The following DOCK4 variants were observed in gnomAD, a reference collection of about 807,000 sequenced individuals.
DOCK4 encodes dedicator of cytokinesis protein 4.
DOCK4 carries 97 observed loss-of-function variants against 268.1 expected under a neutral mutation model. The ratio of observed to expected loss-of-function variants is 0.36; its 90% confidence interval spans 0.31 to 0.43. DOCK4 has a LOEUF of 0.43. Among genes scored for constraint, DOCK4 ranks in the 20% least tolerant of loss-of-function variants. The pLI is 1.00. For missense variants in DOCK4, 2,145 were observed against 2,455.7 expected, an observed-to-expected ratio of 0.87 and a Z score of 2.67; for synonymous variants, 954 against 887.2, an observed-to-expected ratio of 1.08 and a Z score of -1.34.
chr7:111,835,186 T>C (rs1803142613), intron 25 of DOCK4, among the ~76,000 whole-genome samples: 1 of 152,164 alleles, frequency 6.6e-6, no homozygotes, highest in Non-Finnish European at 1.5e-5. Context: ...ATCCCCAGTC[T>C]TTCTGCCTCC....
At chr7:112,108,671 T>C (rs1401267970) in intron 1 of DOCK4, among the ~76,000 whole-genome samples, 1 of 152,220 alleles carries the variant, frequency 6.6e-6, no homozygotes, top group Non-Finnish European at 1.5e-5. Flanking sequence ...ACAGCAAGTT[T>C]CCACATATAC....
chr7:112,155,158 A>G (rs1184106981), intron 1 of DOCK4, among the ~76,000 whole-genome samples: 1 of 152,176 alleles, frequency 6.6e-6, no homozygotes, highest in East Asian at 1.9e-4. Context: ...TTTTTCTTTT[A>G]TGTGACACTG....
chr7:112,083,751 GAT>G (rs941573517), intron 1 of DOCK4, among the ~76,000 whole-genome samples: 1 of 152,138 alleles, frequency 6.6e-6, no homozygotes, highest in African/African-American at 2.4e-5. Flanking sequence ...GGATATTAAA[GAT>G]ATGAATAATA....
chr7:112,071,707 A>G (rs1316143863), intron 1 of DOCK4, among the ~76,000 whole-genome samples: 1 of 152,228 alleles, frequency 6.6e-6, no homozygotes, highest in Admixed American at 6.5e-5. Context: ...ATGTATTTTT[A>G]TTCACAATTA....
chr7:112,112,909 C>T (rs1811794323), intron 1 of DOCK4, among the ~76,000 whole-genome samples: 2 of 152,142 alleles, frequency 1.3e-5, no homozygotes, highest in South Asian at 4.1e-4. Flanking sequence ...ATTCTTGTAT[C>T]CCTGACCTCA....
At chr7:111,864,923 G>T (rs980081307) in intron 22 of DOCK4, among the ~76,000 whole-genome samples, 6 of 152,114 alleles carry the variant, frequency 3.9e-5, no homozygotes, top group Admixed American at 1.3e-4. Flanking sequence ...CTTCAAAAAG[G>T]CATCTGAATG....
Position 112,206,366 on chromosome 7 carries a change from C to A in DOCK4, c.-228G>T. On this transcript the variant is annotated 5_prime_UTR_variant, in exon 1 of 53. Coordinates refer to ENST00000428084, the MANE Select transcript of DOCK4 (RefSeq NM_001363540.2). ...TGCTCACAGTCCTCCGACGCGCTCC[C>A]GGGTACCCGGCGGCGCAGTCATTGT... 3.4e-6 allele frequency: 2 copies of A among 586,130 alleles called. No individual in the cohort carries two copies. The highest frequency in any genetic ancestry group is 4.1e-5 in the South Asian group (2 of 48,458). The allele number at this position is 586,130 out of a possible 1,614,324, so 36.3% of individuals were successfully genotyped here.
intron 2 of DOCK4, among the ~76,000 whole-genome samples, chr7:112,001,928 TC>T (rs1471553160): frequency 6.6e-6 from 1 of 152,210 alleles, no homozygotes; most frequent in African/African-American, 2.4e-5. Context: ...TCCTTACATG[TC>T]TTTTTATAGT....
chr7:111,747,840 A>C (rs1055355728), intron 42 of DOCK4, among the ~76,000 whole-genome samples: 2 of 152,120 alleles, frequency 1.3e-5, no homozygotes, highest in Non-Finnish European at 2.9e-5. Context: ...ACAAAGCACC[A>C]TGGGAGATAT....
At chr7:112,127,767 G>T (rs930834539) in intron 1 of DOCK4, among the ~76,000 whole-genome samples, 14 of 152,134 alleles carry the variant, frequency 9.2e-5, no homozygotes, top group Non-Finnish European at 2.1e-4. Context: ...GCGGCGGCTA[G>T]CACCTGTAAT....
chr7:112,151,944 G>A (rs551894402), intron 1 of DOCK4, among the ~76,000 whole-genome samples: 4 of 145,306 alleles, frequency 2.8e-5, no homozygotes, highest in African/African-American at 7.7e-5. Flanking sequence ...TTTTTAACTA[G>A]AGCACCAAAC....
intron 23 of DOCK4, among the ~76,000 whole-genome samples, chr7:111,853,105 C>T (rs903684604): frequency 1.3e-5 from 2 of 152,136 alleles, no homozygotes; most frequent in Non-Finnish European, 2.9e-5. Context: ...TCAGTAATCC[C>T]CACTGGACAC....
rs780104898 is a variant in DOCK4 at position 111,790,528 on chromosome 7, G to T, written c.3244C>A (p.Arg1082=). ...EVTLIPQPDL[R]NVMIPIFHDM... ...TGAAAAATTGGAATCATGACATTCCGAAGATCTGGCTGGGGTATCAAGGTC... is the reference window on the plus strand; with the variant it reads ...TGAAAAATTGGAATCATGACATTCCTAAGATCTGGCTGGGGTATCAAGGTC... The change falls in exon 31 of 53, where the codon CGG becomes AGG. Residue 1082 remains arginine, a synonymous_variant. Transcript: ENST00000428084. 1.7e-5 allele frequency: 27 copies of T among 1,613,722 alleles called. No individual in the cohort carries two copies. Among genetic ancestry groups the T allele is most frequent in the Middle Eastern group, 1.6e-4 (1 of 6,082 alleles).
At chr7:112,084,875 C>T (rs1402205610) in intron 1 of DOCK4, among the ~76,000 whole-genome samples, 6 of 152,016 alleles carry the variant, frequency 3.9e-5, no homozygotes, top group Admixed American at 3.3e-4. Context: ...GTTAACCACA[C>T]AACTATTCCA....
rs188834701 is a variant in DOCK4 at position 111,994,422 on chromosome 7, C to T, written c.219-191G>A. 3.2e-4 allele frequency among the ~76,000 whole-genome samples: 49 copies of T among 152,108 alleles called. 1 individual carries two copies. Among genetic ancestry groups the T allele is most frequent in the Non-Finnish European group, 6.8e-4 (46 of 68,022 alleles). On this transcript the variant is annotated intron_variant, in intron 4 of 52. Transcript: ENST00000428084. ...TTGTGGTAGGACAATACCAGAACAA[C>T]CAGCCACTTCAACCAGATCAAGTTT...
chr7:111,809,169 GC>G (rs1192285454), intron 29 of DOCK4, 131 bp downstream of exon 29: 4 of 766,678 alleles, frequency 5.2e-6, no homozygotes, highest in Non-Finnish European at 8.4e-6. Flanking sequence ...AGAAAAGACT[GC>G]TTCTTGACCC....
intron 1 of DOCK4, among the ~76,000 whole-genome samples, chr7:112,034,010 G>A (rs545176357): frequency 2.3e-4 from 35 of 152,252 alleles, no homozygotes; most frequent in Admixed American, 5.9e-4. Flanking sequence ...TTTTGATTGC[G>A]TTTTGGCTCT....
chr7:111,888,865 G>A (rs141839425), intron 16 of DOCK4, among the ~76,000 whole-genome samples: 135 of 152,240 alleles, frequency 8.9e-4, no homozygotes, highest in Non-Finnish European at 1.5e-3. Context: ...TGGCGAAAGA[G>A]TATCTCTGGA....
At chr7:111,982,110 A>C (rs907153467) in intron 7 of DOCK4, among the ~76,000 whole-genome samples, 1 of 152,206 alleles carries the variant, frequency 6.6e-6, no homozygotes, top group Non-Finnish European at 1.5e-5. Context: ...GGTTCATTAA[A>C]GTATTTGAAT....
Sources: gnomAD v4.1 joint callset for allele counts (sites outside exome capture counted in the v4.1 genomes callset) on GRCh38, gnomAD v4.1.1 for gene constraint, MANE v1.5 for transcripts, NCBI Gene and HGNC (gene_info 2026-07-23, HGNC 2026-07-21) for gene names.